The following PCCA variants were observed in gnomAD, a reference collection of about 807,000 sequenced individuals.
PCCA encodes propionyl-CoA carboxylase subunit alpha, also known as propionyl-CoA carboxylase alpha chain, mitochondrial.
Under a neutral mutation model 101.3 loss-of-function variants are expected in PCCA, and 74 were observed. The ratio of observed to expected loss-of-function variants is 0.73; its 90% CI spans 0.61 to 0.89. PCCA has a LOEUF of 0.89. Ranked by LOEUF, PCCA falls within the 40% of genes least tolerant of loss-of-function variation. The pLI, the probability that PCCA is intolerant of heterozygous loss-of-function variation, is 0.00. For synonymous variants in PCCA, 294 were observed against 313.6 expected (o/e 0.94, Z 0.66); for missense variants, 891 against 907.0 (o/e 0.98, Z 0.23).
intron 1 of PCCA, 63 bp from the exon 2 acceptor site, chr13:100,102,820 C>T: frequency 9.1e-7 from 1 of 1,097,596 alleles, no homozygotes; most frequent in Non-Finnish European, 1.4e-6. Context: ...AAGAAATATC[C>T]TGAAAAAATG....
At chr13:100,201,215 T>C (rs1019697434) in intron 6 of PCCA, among the ~76,000 whole-genome samples, 4 of 152,198 alleles carry the variant, frequency 2.6e-5, no homozygotes, top group Non-Finnish European at 5.9e-5. Context: ...CTCCTTAGCT[T>C]TCATTTAGTT....
chr13:100,463,580 T>C (rs1244060031), intron 21 of PCCA, among the ~76,000 whole-genome samples: 4 of 152,042 alleles, frequency 2.6e-5, no homozygotes, highest in Non-Finnish European at 5.9e-5. Flanking sequence ...CCAATTTAAG[T>C]TTGAAATGCC....
chr13:100,401,541 C>T (rs936811330), intron 19 of PCCA, among the ~76,000 whole-genome samples: 1 of 151,954 alleles, frequency 6.6e-6, no homozygotes, highest in African/African-American at 2.4e-5. Flanking sequence ...CGTGCCCAGC[C>T]AACTGTTTTT....
rs372587581 is a variant in PCCA, at chr13:100,202,087, T to C, written c.469-7245T>C. ...GCTCATGCCTGCAATCCCAACACTT[T>C]GGGAGACTGAGGCAGGAGGATCACT... On this transcript the variant is annotated intron_variant, in intron 6 of 23. Coordinates refer to ENST00000376285, the MANE Select transcript of PCCA (RefSeq NM_000282.4). Among the ~76,000 whole-genome samples, 144 of 146,014 alleles carry C rather than the reference T, an allele frequency of 9.9e-4. 4 individuals carry two copies. The South Asian group carries it at 0.028, about 29-fold the overall frequency.
intron 6 of PCCA, chr13:100,161,096 C>T (rs1186264558): frequency 6.6e-6 from 1 of 152,170 alleles, no homozygotes. Context: ...GCTCTTTTAT[C>T]TTCTTTCTTT....
chr13:100,526,464 C>T (rs1057144764), intron 22 of PCCA, among the ~76,000 whole-genome samples: 3 of 152,240 alleles, frequency 2.0e-5, no homozygotes, highest in Admixed American at 6.5e-5. Context: ...AAGAGTACAT[C>T]GGCTCAGGCG....
intron 4 of PCCA, among the ~76,000 whole-genome samples, chr13:100,138,129 G>A (rs756068291): frequency 6.6e-6 from 1 of 151,530 alleles, no homozygotes. Context: ...TTGGCTTTTG[G>A]GCTACTGTTT....
At chr13:100,097,442 G>A (rs916167266) in intron 1 of PCCA, among the ~76,000 whole-genome samples, 1 of 152,134 alleles carries the variant, frequency 6.6e-6, no homozygotes, top group South Asian at 2.1e-4. Context: ...AGAATGGTCC[G>A]GGTGCAGTGG....
chr13:100,338,231 G>A (rs1268079340), intron 17 of PCCA, among the ~76,000 whole-genome samples: 1 of 152,176 alleles, frequency 6.6e-6, no homozygotes, highest in African/African-American at 2.4e-5. Context: ...TTACACTCCA[G>A]AGAGCTTTTG....
At chr13:100,425,357 A>G (rs987143109) in intron 19 of PCCA, among the ~76,000 whole-genome samples, 73 of 140,898 alleles carry the variant, frequency 5.2e-4, no homozygotes, top group African/African-American at 2.3e-3. Flanking sequence ...TAGCATGTCC[A>G]GATAGGTTTC....
chr13:100,310,512 T>G (rs1227729858), intron 16 of PCCA, among the ~76,000 whole-genome samples: 1 of 152,196 alleles, frequency 6.6e-6, no homozygotes, highest in Admixed American at 6.5e-5. Context: ...TCATTTCTGT[T>G]AAACTGTGAT....
chr13:100,343,873 G>A (rs188165076), intron 18 of PCCA, among the ~76,000 whole-genome samples: 3 of 152,260 alleles, frequency 2.0e-5, no homozygotes, highest in East Asian at 3.9e-4. Context: ...CCAGGAGTTC[G>A]CGACCAACCT....
At chr13:100,274,300 G>A (rs747948861) in intron 12 of PCCA, among the ~76,000 whole-genome samples, 1 of 152,014 alleles carries the variant, frequency 6.6e-6, no homozygotes, top group Non-Finnish European at 1.5e-5. Flanking sequence ...TTTCAGCATG[G>A]CATTTGTGAG....
intron 21 of PCCA, among the ~76,000 whole-genome samples, chr13:100,503,069 C>T (rs964558929): frequency 3.3e-5 from 5 of 152,146 alleles, no homozygotes; most frequent in African/African-American, 9.7e-5. Flanking sequence ...AGGATACTCT[C>T]CCACTGGAGT....
rs373187346 is a variant in PCCA, at chr13:100,530,112, C to T, written c.2133C>T (p.His711=). 7 of 1,613,834 alleles carry T rather than the reference C, an allele frequency of 4.3e-6. No individual in the cohort carries two copies. In the African/African-American group the frequency reaches 8.0e-5, roughly 18 times the overall value. ...AGKTGTVKSV[H]CQAGDTVGEG... is the part of the protein sequence containing the mutation. Reference sequence around the variant, plus strand: ...CAAAATTCAAGGTGAAATCTGTGCACTGTCAAGCTGGAGACACAGTTGGAG... The same window carrying T: ...CAAAATTCAAGGTGAAATCTGTGCATTGTCAAGCTGGAGACACAGTTGGAG... Residue 711 remains histidine, a synonymous_variant, in exon 24 of 24, where the codon CAC becomes CAT. Transcript: ENST00000376285.
intron 21 of PCCA, among the ~76,000 whole-genome samples, chr13:100,453,364 G>A (rs947286132): frequency 3.3e-5 from 5 of 152,000 alleles, no homozygotes; most frequent in African/African-American, 1.2e-4. Flanking sequence ...AGCCAGGCAT[G>A]GTGGCAGGAG....
intron 19 of PCCA, among the ~76,000 whole-genome samples, chr13:100,398,980 T>C (rs1411406319): frequency 6.6e-6 from 1 of 152,116 alleles, no homozygotes; most frequent in African/African-American, 2.4e-5. Context: ...TTCTTTTTAA[T>C]TCTGAATATT....
chr13:100,265,278 A>G (rs1167850052), intron 10 of PCCA, among the ~76,000 whole-genome samples: 1 of 152,014 alleles, frequency 6.6e-6, no homozygotes, highest in African/African-American at 2.4e-5. Flanking sequence ...ACTCTCCTTT[A>G]CTTATTATTA....
intron 7 of PCCA, among the ~76,000 whole-genome samples, chr13:100,234,781 A>G (rs1345085084): frequency 3.3e-5 from 5 of 151,836 alleles, no homozygotes; most frequent in Non-Finnish European, 5.9e-5. Flanking sequence ...ACTGGGCTTC[A>G]CTTCAGCATT....
Sources: gnomAD v4.1 joint callset for allele counts (sites outside exome capture counted in the v4.1 genomes callset) on GRCh38, gnomAD v4.1.1 for gene constraint, MANE v1.5 for transcripts, NCBI Gene and HGNC (gene_info 2026-07-23, HGNC 2026-07-21) for gene names.